The following CSMD1 variants were observed in gnomAD, a reference collection of about 807,000 sequenced individuals.
CSMD1 encodes the protein CUB and sushi domain-containing protein 1.
In CSMD1, 213 loss-of-function variants were observed where a neutral mutation model predicts 417.5. The observed-to-expected ratio is 0.51, with a 90% CI of 0.46 to 0.57. CSMD1 has a LOEUF of 0.57. CSMD1 is among the 20% of genes least tolerant of loss of function. The pLI is 0.00. For synonymous variants in CSMD1, 2,862 were observed against 1,736.8 expected (o/e 1.65, Z -16.11); for missense variants, 6,923 against 4,529.7 (o/e 1.53, Z -15.17).
rs1420850928 is a variant in CSMD1, at chr8:3,265,612, G to A, written c.4153+18532C>T. Among the ~76,000 whole-genome samples the A allele has an allele frequency of 1.3e-5, 2 of 152,226 alleles. 1 individual carries two copies. The highest frequency in any genetic ancestry group is 4.1e-4 in the South Asian group (2 of 4,836). ...AGAAATAATCTGTCAGGAACCAAGA[G>A]TGAAGGAGAGGAGTGAAGGTGGAGA... On this transcript the variant is annotated intron_variant, in intron 26 of 69. Transcript: ENST00000635120.
Position 4,887,097 on chromosome 8 carries a change from T to C in CSMD1, c.85+107235A>G, listed in dbSNP as rs1803797714. Among the ~76,000 whole-genome samples the C allele has an allele frequency of 2.0e-5, 3 of 152,026 alleles. No individual in the cohort carries two copies. In the South Asian group the frequency reaches 6.2e-4, roughly 31 times the overall value. ...TTAATTGGAGATTTTTCTTCTTTTA[T>C]ATATAAACATTTACAGCTATAAATA... On this transcript the variant is annotated intron_variant, in intron 1 of 69. Coordinates refer to ENST00000635120, the MANE Select transcript of CSMD1 (RefSeq NM_033225.6).
intron 3 of CSMD1, among the ~76,000 whole-genome samples, chr8:4,327,331 G>C (rs1331630760): frequency 6.6e-6 from 1 of 152,096 alleles, no homozygotes; most frequent in Non-Finnish European, 1.5e-5. Flanking sequence ...AATTTTAAGA[G>C]AGAATCAGAA....
At chr8:4,451,573 CAAAG>C (rs1334843575) in intron 2 of CSMD1, among the ~76,000 whole-genome samples, 4 of 151,926 alleles carry the variant, frequency 2.6e-5, no homozygotes, top group African/African-American at 7.3e-5. Flanking sequence ...AGAGTGAAGA[CAAAG>C]AAAGCCTTAA....
chr8:3,859,098 T>C (rs1196401503), intron 5 of CSMD1, among the ~76,000 whole-genome samples: 1 of 152,194 alleles, frequency 6.6e-6, no homozygotes, highest in African/African-American at 2.4e-5. Context: ...CCATGCACAT[T>C]CAATCAGAAG....
intron 3 of CSMD1, among the ~76,000 whole-genome samples, chr8:4,277,015 G>C (rs1423320590): frequency 6.6e-6 from 1 of 152,056 alleles, no homozygotes; most frequent in Non-Finnish European, 1.5e-5. Flanking sequence ...TTTAAATTCA[G>C]AGAAAGGTCA....
rs544960578 is a variant in CSMD1 at position 3,355,389 on chromosome 8, G to C, written c.3304+3763C>G. On this transcript the variant is annotated intron_variant, in intron 21 of 69. Coordinates refer to ENST00000635120, the MANE Select transcript of CSMD1 (RefSeq NM_033225.6). ...TCTCTAACTTTGCTCCTGATCTTTT[G>C]ACCAAAATGTCACAAACCATCACAA... Among the ~76,000 whole-genome samples, 107 of 152,166 alleles carry C rather than the reference G, an allele frequency of 7.0e-4. 1 individual carries two copies. The highest frequency in any genetic ancestry group is 1.2e-3 in the Non-Finnish European group (79 of 68,010).
intron 5 of CSMD1, among the ~76,000 whole-genome samples, chr8:3,851,579 C>A (rs372329633): frequency 5.3e-5 from 8 of 152,156 alleles, no homozygotes; most frequent in African/African-American, 1.9e-4. Flanking sequence ...TGCTGCAGGC[C>A]AAGGGAGGGC....
intron 5 of CSMD1, among the ~76,000 whole-genome samples, chr8:3,993,202 C>G (rs1402638533): frequency 6.6e-6 from 1 of 152,176 alleles, no homozygotes; most frequent in Admixed American, 6.5e-5. Context: ...TACAGCAACT[C>G]TCTGTGTTAG....
chr8:4,407,578 G>C (rs1554465263), intron 3 of CSMD1, among the ~76,000 whole-genome samples: 3 of 152,136 alleles, frequency 2.0e-5, no homozygotes, highest in Non-Finnish European at 4.4e-5. Flanking sequence ...TAAATGAAAT[G>C]ATACCTCACT....
At chr8:3,188,031 G>A in intron 35 of CSMD1, 66 bp from the exon 36 acceptor site, 2 of 1,174,888 alleles carry the variant, frequency 1.7e-6, no homozygotes, top group East Asian at 2.7e-5. Context: ...AATTAGATGG[G>A]GTTTTGGGGT....
At chr8:2,976,547 C>T (rs561277784) in intron 55 of CSMD1, among the ~76,000 whole-genome samples, 18 of 152,234 alleles carry the variant, frequency 1.2e-4, no homozygotes, top group African/African-American at 4.1e-4. Flanking sequence ...TGGAGTCTGG[C>T]TAGGTTGTCC....
rs112351518 is a variant in CSMD1, at chr8:2,972,133, A to G, written c.8923+984T>C. On this transcript the variant is annotated intron_variant, in intron 57 of 69. Coordinates refer to ENST00000635120, the MANE Select transcript of CSMD1 (RefSeq NM_033225.6). ...TATATGTGAAATTAATGTTACATAGATTATATAATATAGATAGATCATATA... is the reference window on the plus strand; with the variant it reads ...TATATGTGAAATTAATGTTACATAGGTTATATAATATAGATAGATCATATA... Among the ~76,000 whole-genome samples the G allele has an allele frequency of 2.1e-3, 323 of 152,186 alleles. 1 individual carries two copies. The highest frequency in any genetic ancestry group is 7.5e-3 in the African/African-American group (310 of 41,536).
intron 1 of CSMD1, among the ~76,000 whole-genome samples, chr8:4,899,058 A>G (rs1198125868): frequency 1.3e-5 from 2 of 152,332 alleles, no homozygotes; most frequent in African/African-American, 4.8e-5. Context: ...TTGATCATTT[A>G]AAATGTAGCC....
intron 1 of CSMD1, among the ~76,000 whole-genome samples, chr8:4,678,109 A>G (rs1313453782): frequency 6.6e-6 from 1 of 152,170 alleles, no homozygotes; most frequent in Non-Finnish European, 1.5e-5. Flanking sequence ...TGGAAGGAGC[A>G]AAACAGTCTA....
chr8:3,556,415 T>TATATATATATATATACATACATA lies in CSMD1; in HGVS notation c.1344+18529_1344+18530insTATGTATGTATATATATATATAT, dbSNP rs1799148435. On this transcript the variant is annotated intron_variant, in intron 10 of 69. Coordinates refer to ENST00000635120, the MANE Select transcript of CSMD1 (RefSeq NM_033225.6). Reference sequence around the variant, plus strand: ...TTAATATATATATATATATATATATTCACACACACAAAGAATTTATGAGGG... The same window carrying TATATATATATATATACATACATA: ...TTAATATATATATATATATATATATTATATATATATATATACATACATACACACACACAAAGAATTTATGAGGG... Among the ~76,000 whole-genome samples the TATATATATATATATACATACATA allele has an allele frequency of 1.6e-3, 94 of 57,098 alleles. 3 individuals carry two copies. Among genetic ancestry groups the TATATATATATATATACATACATA allele is most frequent in the African/African-American group, 5.7e-3 (91 of 16,078 alleles). 37.5% of individuals were successfully genotyped at this position (57,098 alleles called of 152,430 possible).
At chr8:4,235,757 C>A (rs2128817630) in intron 3 of CSMD1, among the ~76,000 whole-genome samples, 1 of 152,188 alleles carries the variant, frequency 6.6e-6, no homozygotes, top group African/African-American at 2.4e-5. Flanking sequence ...AAAAATGTGT[C>A]CCCCATCTGG....
At chr8:3,371,477 CTT>C (rs11443729) in intron 18 of CSMD1, among the ~76,000 whole-genome samples, 12,056 of 146,858 alleles carry the variant, frequency 0.082, 624 homozygotes, top group East Asian at 0.22. Context: ...GGTTCCTTTG[CTT>C]TTTTTTTTTT....
chr8:3,419,290 G>T (rs958304761), intron 12 of CSMD1, among the ~76,000 whole-genome samples: 1 of 152,084 alleles, frequency 6.6e-6, no homozygotes, highest in Non-Finnish European at 1.5e-5. Flanking sequence ...TTGAGTTCAG[G>T]TTCACTGTAA....
intron 5 of CSMD1, among the ~76,000 whole-genome samples, chr8:3,775,265 G>T (rs1194378037): frequency 1.3e-5 from 2 of 152,166 alleles, no homozygotes; most frequent in Non-Finnish European, 2.9e-5. Flanking sequence ...AACATTGGAA[G>T]ATTTAAAGAC....
Sources: allele counts gnomAD v4.1 joint callset (sites outside exome capture counted in the v4.1 genomes callset), GRCh38; gene constraint gnomAD v4.1.1; transcripts MANE v1.5; gene names NCBI Gene and HGNC (gene_info 2026-07-23, HGNC 2026-07-21).